PTPRT: variants seen among roughly 807,000 people sequenced by gnomAD.
PTPRT encodes protein tyrosine phosphatase receptor type T, also known as receptor-type tyrosine-protein phosphatase T.
In PTPRT, 56 loss-of-function variants were observed where a neutral mutation model predicts 176.8. The ratio of observed to expected loss-of-function variants is 0.32; its 90% CI spans 0.26 to 0.40. The LOEUF is 0.40. PTPRT is among the 10% of genes least tolerant of loss of function. The pLI is 1.00. For missense variants in PTPRT, 1,540 were observed against 1,908.2 expected (o/e 0.81, Z 3.60); for synonymous variants, 783 against 739.0 (o/e 1.06, Z -0.96).
At chr20:42,084,310 A>G (rs934931299) in intron 29 of PTPRT, among the ~76,000 whole-genome samples, 2 of 152,236 alleles carry the variant, frequency 1.3e-5, no homozygotes, top group Non-Finnish European at 2.9e-5. Context: ...CCCCTGCACA[A>G]TAGTGTTCCT....
In PTPRT at chr20:42,119,394, C is replaced by T. The variant is rs1487358011; in HGVS notation, c.2884+541G>A. 2.6e-5 allele frequency among the ~76,000 whole-genome samples: 4 copies of T among 152,046 alleles called. 1 individual carries two copies. Among genetic ancestry groups the T allele is most frequent in the South Asian group, 4.2e-4 (2 of 4,818 alleles). ...TTTTTATTCCTATTATAGATAACAC[C>T]GTGAATAATGTTCTTATATGCGTCA... On this transcript the variant is annotated intron_variant, in intron 20 of 30. Coordinates refer to ENST00000373187, the MANE Select transcript of PTPRT (RefSeq NM_007050.6).
chr20:43,188,859 G>T (rs546895428), intron 1 of PTPRT, among the ~76,000 whole-genome samples: 3 of 34 alleles, frequency 0.088, no homozygotes, highest in African/African-American at 0.25. Context: ...TTAGGAGCAC[G>T]GCAGGCACCA....
intron 7 of PTPRT, among the ~76,000 whole-genome samples, chr20:42,487,473 T>C (rs1601113883): frequency 6.6e-6 from 1 of 152,134 alleles, no homozygotes; most frequent in African/African-American, 2.4e-5. Flanking sequence ...TCTGTTATCT[T>C]ACATGGCAAA....
chr20:42,579,722 G>A (rs1481150812), intron 7 of PTPRT, among the ~76,000 whole-genome samples: 1 of 152,148 alleles, frequency 6.6e-6, no homozygotes, highest in Admixed American at 6.5e-5. Flanking sequence ...AGAAGTGTCT[G>A]TTCATATCGT....
At chr20:43,132,806 T>C (rs183987556) in intron 1 of PTPRT, among the ~76,000 whole-genome samples, 1 of 152,258 alleles carries the variant, frequency 6.6e-6, no homozygotes, top group South Asian at 2.1e-4. Flanking sequence ...ATAGAGAGAA[T>C]ACAATAGATG....
At position 42,296,061 on chromosome 20, in the gene PTPRT, G is replaced by A. The variant is rs909300388; in HGVS notation, c.2140-13536C>T. Among the ~76,000 whole-genome samples, 7 of 152,300 alleles carry A rather than the reference G, an allele frequency of 4.6e-5. No individual in the cohort carries two copies. The East Asian group carries it at 1.2e-3, about 25-fold the overall frequency. ...AATATCTTTATAGCAGTGTGAGAAC[G>A]AACTAATATAGGCAATATGTGAAAG... is the stretch of plus-strand genomic sequence containing the variant. On this transcript the variant is annotated intron_variant, in intron 12 of 30. Coordinates refer to ENST00000373187, the MANE Select transcript of PTPRT (RefSeq NM_007050.6).
Position 42,668,723 on chromosome 20 carries a change from G to C in PTPRT, c.1153+9143C>G, listed in dbSNP as rs369937600. ...TTTTTTTTTTTTAAGGCGGAGTCTC[G>C]CTCTGTCGTCCAGGCTGGAGTACAG... On this transcript the variant is annotated intron_variant, in intron 7 of 30. Coordinates refer to ENST00000373187, the MANE Select transcript of PTPRT (RefSeq NM_007050.6). 2.3e-3 allele frequency among the ~76,000 whole-genome samples: 346 copies of C among 150,146 alleles called. 3 individuals carry two copies. The highest frequency in any genetic ancestry group is 7.2e-3 in the East Asian group (37 of 5,114).
intron 6 of PTPRT, among the ~76,000 whole-genome samples, chr20:42,739,589 C>T (rs1040572375): frequency 2.6e-5 from 4 of 152,088 alleles, no homozygotes; most frequent in Non-Finnish European, 5.9e-5. Flanking sequence ...CAGGGAAGCA[C>T]AGGGACAGGC....
At chr20:42,791,728 T>C (rs185260989) in intron 2 of PTPRT, among the ~76,000 whole-genome samples, 197 of 152,378 alleles carry the variant, frequency 1.3e-3, no homozygotes, top group Non-Finnish European at 1.1e-3. Context: ...TTCTACAACG[T>C]GCTACTATTG....
intron 13 of PTPRT, among the ~76,000 whole-genome samples, chr20:42,261,230 T>C (rs1232124709): frequency 1.3e-5 from 2 of 152,144 alleles, no homozygotes; most frequent in African/African-American, 2.4e-5. Flanking sequence ...ATGCTTGGCA[T>C]TCCTTGGCTT....
At chr20:42,516,221 G>A (rs1413836571) in intron 7 of PTPRT, among the ~76,000 whole-genome samples, 3 of 149,456 alleles carry the variant, frequency 2.0e-5, no homozygotes, top group Admixed American at 1.3e-4. Flanking sequence ...AACCTGCACA[G>A]TGTGCACATG....
intron 12 of PTPRT, among the ~76,000 whole-genome samples, chr20:42,292,138 G>A (rs1248056842): frequency 1.3e-5 from 2 of 151,934 alleles, no homozygotes; most frequent in Non-Finnish European, 2.9e-5. Flanking sequence ...TCACGCATAC[G>A]GATCAGCCTG....
At chr20:42,455,489 C>A (rs968020283) in intron 8 of PTPRT, among the ~76,000 whole-genome samples, 4 of 152,174 alleles carry the variant, frequency 2.6e-5, no homozygotes, top group Non-Finnish European at 5.9e-5. Context: ...TAAACCCACA[C>A]AAAAGAGTTT....
At chr20:42,543,983 T>C (rs1236716493) in intron 7 of PTPRT, among the ~76,000 whole-genome samples, 1 of 152,194 alleles carries the variant, frequency 6.6e-6, no homozygotes, top group Non-Finnish European at 1.5e-5. Context: ...CAGGCTTTGT[T>C]GTTCCATTTA....
intron 1 of PTPRT, among the ~76,000 whole-genome samples, chr20:43,075,490 T>A (rs1488448485): frequency 6.6e-6 from 1 of 152,246 alleles, no homozygotes. Context: ...TCAGGTTCCA[T>A]CCCACAGGTT....
chr20:42,643,579 A>G (rs2074815665), intron 7 of PTPRT, among the ~76,000 whole-genome samples: 1 of 151,300 alleles, frequency 6.6e-6, no homozygotes, highest in Non-Finnish European at 1.5e-5. Flanking sequence ...GGCCTCCTAA[A>G]GCACTGGGAT....
intron 1 of PTPRT, among the ~76,000 whole-genome samples, chr20:43,002,656 T>C (rs542205885): frequency 5.3e-5 from 8 of 152,160 alleles, no homozygotes; most frequent in African/African-American, 1.9e-4. Context: ...AAATAGCAAT[T>C]ACAGATTTTT....
chr20:43,027,345 G>A (rs541395065), intron 1 of PTPRT, among the ~76,000 whole-genome samples: 10 of 152,012 alleles, frequency 6.6e-5, no homozygotes, highest in Middle Eastern at 3.4e-3. Context: ...GTATGGTGGC[G>A]GGTGCCCATA....
At chr20:43,118,280 T>A (rs886635186) in intron 1 of PTPRT, among the ~76,000 whole-genome samples, 6 of 152,164 alleles carry the variant, frequency 3.9e-5, no homozygotes, top group Non-Finnish European at 5.9e-5. Context: ...AGTAAATATT[T>A]GCCTAATGTT....
Sources: gnomAD v4.1 joint callset for allele counts (sites outside exome capture counted in the v4.1 genomes callset) on GRCh38, gnomAD v4.1.1 for gene constraint, MANE v1.5 for transcripts, NCBI Gene and HGNC (gene_info 2026-07-23, HGNC 2026-07-21) for gene names.